RANBP2: variants seen among roughly 807,000 people sequenced by gnomAD.
The protein encoded by RANBP2 is RAN binding protein 2.
RANBP2 carries 57 observed loss-of-function variants against 303.6 expected under a neutral mutation model. That is an observed-to-expected ratio of 0.19 (90% CI 0.15 to 0.23). The LOEUF (loss-of-function observed/expected upper bound fraction) is 0.23. Among genes scored for constraint, RANBP2 ranks in the 10% least tolerant of loss-of-function variants. RANBP2 has a pLI of 1.00. For synonymous variants in RANBP2, 1,167 were observed against 1,301.5 expected (o/e 0.90, Z 2.23); for missense variants, 3,138 against 3,780.8 (o/e 0.83, Z 4.46).
At chr2:109,130,250 T>A in the RANBP2 span, 1 of 862,446 alleles carries the variant, frequency 1.2e-6, no homozygotes, top group Non-Finnish European at 1.5e-6. Context: ...TTGCTCTTCC[T>A]CCAACTTCGC....
chr2:109,203,037 A>G, the RANBP2 span, among the ~76,000 whole-genome samples: 1 of 152,300 alleles, frequency 6.6e-6, no homozygotes, highest in East Asian at 1.9e-4. Context: ...ATGGTCCTAC[A>G]GTGATTGGAG....
chr2:109,616,644 G>A, the RANBP2 span: 2 of 166,992 alleles, frequency 1.2e-5, no homozygotes, highest in Admixed American at 6.5e-5. Flanking sequence ...AATCTTCTTG[G>A]TATTTTATGT....
chr2:109,735,036 A>G, the RANBP2 span, among the ~76,000 whole-genome samples: 1 of 152,182 alleles, frequency 6.6e-6, no homozygotes, highest in Non-Finnish European at 1.5e-5. Context: ...TGTTCTAGCT[A>G]TTAAAAATAT....
At chr2:109,597,940 C>T in the RANBP2 span, among the ~76,000 whole-genome samples, 2,129 of 152,222 alleles carry the variant, frequency 0.014, 108 homozygotes, top group East Asian at 0.18. Flanking sequence ...TCCAACAGGC[C>T]CCTAGGTAAC....
At chr2:109,233,467 T>C in the RANBP2 span, among the ~76,000 whole-genome samples, 1 of 152,234 alleles carries the variant, frequency 6.6e-6, no homozygotes, top group African/African-American at 2.4e-5. Context: ...TCTACTTCTC[T>C]GCCAGTGCAG....
At chr2:109,408,168 TCATGAATGCCCA>T in the RANBP2 span, among the ~76,000 whole-genome samples, 1 of 152,114 alleles carries the variant, frequency 6.6e-6, no homozygotes, top group Non-Finnish European at 1.5e-5. Flanking sequence ...AGAGGGTTGT[TCATGAATGCCCA>T]CCGGTAGGCC....
chr2:109,116,784 G>C, the RANBP2 span, among the ~76,000 whole-genome samples: 1 of 152,202 alleles, frequency 6.6e-6, no homozygotes, highest in Non-Finnish European at 1.5e-5. Flanking sequence ...GGTCTTTGAT[G>C]ATGGTGATGT....
At chr2:109,437,766 A>C in the RANBP2 span, among the ~76,000 whole-genome samples, 1 of 152,192 alleles carries the variant, frequency 6.6e-6, no homozygotes, top group Admixed American at 6.5e-5. Context: ...AGATGAAAAG[A>C]AATTATGGGG....
the RANBP2 span, among the ~76,000 whole-genome samples, chr2:109,169,149 G>A: frequency 2.6e-5 from 4 of 152,148 alleles, no homozygotes; most frequent in Admixed American, 6.5e-5. Flanking sequence ...CCCACATCTC[G>A]TCATATGTAC....
chr2:109,213,322 G>A, the RANBP2 span, among the ~76,000 whole-genome samples: 5,194 of 152,198 alleles, frequency 0.034, 267 homozygotes, highest in African/African-American at 0.11. Flanking sequence ...CTATGTGTAC[G>A]CCAAACGCAG....
chr2:109,438,995 A>AG, the RANBP2 span, among the ~76,000 whole-genome samples: 3 of 152,200 alleles, frequency 2.0e-5, no homozygotes, highest in Non-Finnish European at 2.9e-5. Context: ...TCAGCATCCC[A>AG]GTGCAGTGGC....
At chr2:109,672,305 T>C in the RANBP2 span, among the ~76,000 whole-genome samples, 1 of 152,206 alleles carries the variant, frequency 6.6e-6, no homozygotes, top group South Asian at 2.1e-4. Flanking sequence ...AGTCTGGAGA[T>C]ATGCAAGAGG....
chr2:109,575,459 T>G, the RANBP2 span, among the ~76,000 whole-genome samples: 2 of 152,232 alleles, frequency 1.3e-5, no homozygotes, highest in Non-Finnish European at 2.9e-5. Flanking sequence ...AAAGGCCAAT[T>G]ACATCCTCTA....
chr2:109,577,228 C>T, the RANBP2 span, among the ~76,000 whole-genome samples: 8 of 152,030 alleles, frequency 5.3e-5, no homozygotes, highest in African/African-American at 2.4e-5. Flanking sequence ...AGTATGTGAG[C>T]GACACAGAAA....
chr2:109,065,555 G>A, the RANBP2 span, among the ~76,000 whole-genome samples: 1 of 152,196 alleles, frequency 6.6e-6, no homozygotes, highest in African/African-American at 2.4e-5. Context: ...ACTAACTGGA[G>A]GAGAGCAAGC....
chr2:108,934,818 G>C, the RANBP2 span, among the ~76,000 whole-genome samples: 13 of 152,292 alleles, frequency 8.5e-5, no homozygotes, highest in African/African-American at 2.9e-4. Context: ...CTGTTCACTG[G>C]GGATTAAGGG....
At chr2:109,655,056 C>T in the RANBP2 span, among the ~76,000 whole-genome samples, 1 of 152,046 alleles carries the variant, frequency 6.6e-6, no homozygotes, top group Non-Finnish European at 1.5e-5. Context: ...GTGCCCACCA[C>T]CATGCCCGGC....
At position 108,784,052 on chromosome 2, in the gene RANBP2, A is replaced by G; in HGVS notation, c.*151A>G. 2.8e-6 allele frequency: 2 copies of G among 715,474 alleles called. No homozygotes were observed. The allele number at this position is 715,474 out of a possible 1,614,324, so 44.3% of individuals were successfully genotyped here. On this transcript the variant is annotated 3_prime_UTR_variant, in exon 29 of 29. Coordinates refer to ENST00000283195, the MANE Select transcript of RANBP2 (RefSeq NM_006267.5). The stretch of plus-strand genomic sequence containing the variant: ...AGCTTATAGCTGTTGTCACTTTTTA[A>G]TGTGTTATAATTGACCTTGCATGGT...
the RANBP2 span, among the ~76,000 whole-genome samples, chr2:108,818,997 A>G: frequency 6.6e-6 from 1 of 152,232 alleles, no homozygotes; most frequent in Non-Finnish European, 1.5e-5. Context: ...AAATTGAGAT[A>G]CAAAAATTCA....
Sources: gnomAD v4.1 joint callset for allele counts (sites outside exome capture counted in the v4.1 genomes callset) on GRCh38, gnomAD v4.1.1 for gene constraint, MANE v1.5 for transcripts, NCBI Gene and HGNC (gene_info 2026-07-23, HGNC 2026-07-21) for gene names.